The following SGIP1 variants were observed in gnomAD, a reference collection of about 807,000 sequenced individuals.
SGIP1 encodes SH3GL interacting endocytic adaptor 1, also known as SH3-containing GRB2-like protein 3-interacting protein 1.
SGIP1 carries 38 observed loss-of-function variants against 107.5 expected under a neutral mutation model. The ratio of observed to expected loss-of-function variants is 0.35; its 90% CI spans 0.27 to 0.46. The LOEUF (loss-of-function observed/expected upper bound fraction) is 0.46, where lower values mean the gene tolerates loss of function less well. Among genes scored for constraint, SGIP1 ranks in the 20% least tolerant of loss-of-function variants. The pLI, the probability that SGIP1 is intolerant of heterozygous loss-of-function variation, is 1.00. For missense variants in SGIP1, 929 were observed against 1,019.5 expected, an observed-to-expected ratio of 0.91 and a Z score of 1.21; for synonymous variants, 365 against 366.1, an observed-to-expected ratio of 1.00 and a Z score of 0.03.
intron 19 of SGIP1, among the ~76,000 whole-genome samples, chr1:66,724,500 A>T (rs753559408): frequency 6.6e-6 from 1 of 152,180 alleles, no homozygotes; most frequent in East Asian, 1.9e-4. Context: ...AGTCAGCAAA[A>T]GTTCTGGCTC....
At chr1:66,689,417 G>C in intron 16 of SGIP1, 142 bp downstream of exon 16, 2 of 1,081,176 alleles carry the variant, frequency 1.8e-6, no homozygotes, top group Non-Finnish European at 2.6e-6. Context: ...ACTGCGGTAT[G>C]AGTGTACATT....
chr1:66,694,396 T>G (rs1306307726), intron 17 of SGIP1: 1 of 1,546,260 alleles, frequency 6.5e-7, no homozygotes, highest in African/African-American at 1.4e-5. Flanking sequence ...GATTTGTATT[T>G]GTGTTTTTGT....
At chr1:66,616,240 T>C (rs2069276782) in intron 1 of SGIP1, 1 of 152,242 alleles carries the variant, frequency 6.6e-6, no homozygotes, top group Non-Finnish European at 1.5e-5. Context: ...TTTGAAATTT[T>C]GATTATTTTC....
At chr1:66,687,171 C>CT (rs896674579) in intron 15 of SGIP1, among the ~76,000 whole-genome samples, 35 of 152,132 alleles carry the variant, frequency 2.3e-4, no homozygotes, top group African/African-American at 7.9e-4. Flanking sequence ...AAACAGTTGG[C>CT]TTTTTTTATT....
At chr1:66,636,708 C>T (rs946251138) in intron 4 of SGIP1, among the ~76,000 whole-genome samples, 1 of 152,188 alleles carries the variant, frequency 6.6e-6, no homozygotes. Flanking sequence ...AGGTCTACCA[C>T]AGTGGAGAAA....
chr1:66,726,839 C>G (rs1318669608), intron 19 of SGIP1, among the ~76,000 whole-genome samples: 3 of 152,096 alleles, frequency 2.0e-5, no homozygotes, highest in Admixed American at 6.5e-5. Flanking sequence ...GTTGCAGTGG[C>G]TCATGCCTGT....
In SGIP1 at chr1:66,748,435, TG is replaced by T. The variant is rs2094582171; in HGVS notation, c.*5342del. On this transcript the variant is annotated 3_prime_UTR_variant, in exon 25 of 25. Transcript: ENST00000371037. Reference sequence around the variant, plus strand: ...AATGTAAAGTCTGTTGAGTTGACCATGGTGAACCTCTTGATTGGCCCTCACA... The same window carrying T: ...AATGTAAAGTCTGTTGAGTTGACCATGTGAACCTCTTGATTGGCCCTCACA... 4 of 152,024 alleles carry T rather than the reference TG, an allele frequency of 2.6e-5. No homozygotes were observed. The highest frequency in any genetic ancestry group is 2.6e-4 in the Admixed American group (4 of 15,272). The allele number at this position is 152,024 out of a possible 1,614,324, so 9.4% of individuals were successfully genotyped here.
intron 1 of SGIP1, among the ~76,000 whole-genome samples, chr1:66,581,786 G>T (rs1389947977): frequency 2.0e-5 from 3 of 151,984 alleles, no homozygotes; most frequent in Non-Finnish European, 4.4e-5. Context: ...ATGTGAGTTA[G>T]GTCTTGATTT....
intron 13 of SGIP1, 97 bp from the exon 14 acceptor site, chr1:66,679,581 G>A: frequency 7.9e-7 from 1 of 1,259,826 alleles, no homozygotes; most frequent in Non-Finnish European, 1.1e-6. Flanking sequence ...CCAATAGCAG[G>A]AATATAACTG....
intron 12 of SGIP1, 28 bp downstream of exon 12, chr1:66,673,394 G>A: frequency 1.3e-6 from 2 of 1,553,660 alleles, no homozygotes; most frequent in Non-Finnish European, 1.7e-6. Context: ...ATATATTATA[G>A]ATTTGTTTTT....
chr1:66,684,511 C>G (rs80104247), intron 15 of SGIP1, among the ~76,000 whole-genome samples: 1 of 152,126 alleles, frequency 6.6e-6, no homozygotes, highest in Admixed American at 6.5e-5. Flanking sequence ...ATTACTCGTC[C>G]GTTATAAAAG....
intron 19 of SGIP1, among the ~76,000 whole-genome samples, chr1:66,720,480 C>T (rs540281155): frequency 6.6e-6 from 1 of 152,276 alleles, no homozygotes; most frequent in African/African-American, 2.4e-5. Context: ...GTAATTCCAG[C>T]ACTTTGGGAG....
At chr1:66,710,889 A>G (rs1485671085) in intron 18 of SGIP1, among the ~76,000 whole-genome samples, 1 of 152,180 alleles carries the variant, frequency 6.6e-6, no homozygotes, top group African/African-American at 2.4e-5. Flanking sequence ...AAAGACAAGA[A>G]ACTAAGAGAC....
At chr1:66,554,580 A>G (rs188930938) in intron 1 of SGIP1, among the ~76,000 whole-genome samples, 3 of 152,194 alleles carry the variant, frequency 2.0e-5, no homozygotes, top group African/African-American at 7.2e-5. Context: ...TGCAATCAAA[A>G]CTTTGTTTCA....
intron 1 of SGIP1, among the ~76,000 whole-genome samples, chr1:66,589,188 ATATATATAT>A (rs2063169491): frequency 1.5e-5 from 1 of 66,964 alleles, no homozygotes; most frequent in Non-Finnish European, 2.7e-5. Flanking sequence ...ATATATATAT[ATATATATAT>A]ATATATATAT....
chr1:66,557,680 G>A (rs991993402), intron 1 of SGIP1, among the ~76,000 whole-genome samples: 1 of 152,130 alleles, frequency 6.6e-6, no homozygotes, highest in Non-Finnish European at 1.5e-5. Flanking sequence ...CATGTGGAGA[G>A]AAATAGGTAA....
At chr1:66,565,837 G>A (rs1170102974) in intron 1 of SGIP1, among the ~76,000 whole-genome samples, 1 of 151,952 alleles carries the variant, frequency 6.6e-6, no homozygotes, top group African/African-American at 2.4e-5. Context: ...CGCTCTTGTA[G>A]AATATAAAGT....
At chr1:66,572,347 T>C (rs1220812586) in intron 1 of SGIP1, among the ~76,000 whole-genome samples, 2 of 152,094 alleles carry the variant, frequency 1.3e-5, no homozygotes, top group Non-Finnish European at 2.9e-5. Flanking sequence ...GTCATTAAGA[T>C]TTAATGATTT....
intron 1 of SGIP1, among the ~76,000 whole-genome samples, chr1:66,623,669 C>A (rs1284261285): frequency 6.6e-6 from 1 of 152,184 alleles, no homozygotes; most frequent in Non-Finnish European, 1.5e-5. Flanking sequence ...TTAAAAACAT[C>A]ATTTCCAGTG....
Sources: allele counts gnomAD v4.1 joint callset (sites outside exome capture counted in the v4.1 genomes callset), GRCh38; gene constraint gnomAD v4.1.1; transcripts MANE v1.5; gene names NCBI Gene and HGNC (gene_info 2026-07-23, HGNC 2026-07-21).